TMOD1: variants seen among roughly 807,000 people sequenced by gnomAD.
TMOD1 encodes the protein tropomodulin-1.
Under a neutral mutation model 40.6 loss-of-function variants are expected in TMOD1, and 17 were observed. The observed-to-expected ratio is 0.42, with a 90% CI of 0.29 to 0.63. The LOEUF (loss-of-function observed/expected upper bound fraction) is 0.63. TMOD1 is among the 20% of genes least tolerant of loss of function. The pLI is 0.22. For synonymous variants in TMOD1, 181 were observed against 175.0 expected (o/e 1.03, Z -0.27); for missense variants, 391 against 447.6 (o/e 0.87, Z 1.14).
chr9:97,592,176 G>T (rs1386979210), intron 9 of TMOD1, among the ~76,000 whole-genome samples: 1 of 152,084 alleles, frequency 6.6e-6, no homozygotes, highest in Non-Finnish European at 1.5e-5. Context: ...CACAAGCTCT[G>T]TGTAGTTATT....
At chr9:97,569,138 G>A (rs1160176917) in intron 8 of TMOD1, 101 bp downstream of exon 8, 2 of 1,480,104 alleles carry the variant, frequency 1.4e-6, no homozygotes, top group Non-Finnish European at 1.8e-6. Flanking sequence ...GCTGATGATA[G>A]AAGCTCAGAG....
At chr9:97,570,814 A>C (rs556851622) in intron 8 of TMOD1, among the ~76,000 whole-genome samples, 1 of 152,362 alleles carries the variant, frequency 6.6e-6, no homozygotes, top group South Asian at 2.1e-4. Flanking sequence ...AATTCAACCC[A>C]GAATCCACTC....
At position 97,593,063 on chromosome 9, in the gene TMOD1, G is replaced by A. The variant is rs78848406; in HGVS notation, c.1015+1628G>A. Reference sequence around the variant, plus strand: ...TGTGATCTGGCTGCAGTACCAGCACGGAGAAGCCTTGCGTTTCTATTCTAT... The same window carrying A: ...TGTGATCTGGCTGCAGTACCAGCACAGAGAAGCCTTGCGTTTCTATTCTAT... On this transcript the variant is annotated intron_variant, in intron 9 of 9. Coordinates refer to ENST00000259365, the MANE Select transcript of TMOD1 (RefSeq NM_003275.4). Among the ~76,000 whole-genome samples the A allele has an allele frequency of 6.9e-3, 1,052 of 152,316 alleles. 14 individuals carry two copies. Among genetic ancestry groups the A allele is most frequent in the African/African-American group, 0.023 (966 of 41,562 alleles).
intron 8 of TMOD1, among the ~76,000 whole-genome samples, chr9:97,585,712 T>G (rs1273727955): frequency 8.0e-6 from 1 of 124,248 alleles, no homozygotes; most frequent in Non-Finnish European, 1.7e-5. Context: ...TTCTTTTTAT[T>G]CTTTTTTCTC....
chr9:97,581,353 C>T (rs1211310532), intron 8 of TMOD1, among the ~76,000 whole-genome samples: 1 of 151,372 alleles, frequency 6.6e-6, no homozygotes, highest in East Asian at 1.9e-4. Flanking sequence ...CATAGTATTC[C>T]ATGGTGTATA....
rs531053134 is a variant in TMOD1 at position 97,588,194 on chromosome 9, A to G, written c.871-3097A>G. ...ACAAACTGTCTTTCAAAGGAGCTGC[A>G]CCATTTTATATTCCCACCAGCAATG... On this transcript the variant is annotated intron_variant, in intron 8 of 9. Coordinates refer to ENST00000259365, the MANE Select transcript of TMOD1 (RefSeq NM_003275.4). 1.8e-3 allele frequency among the ~76,000 whole-genome samples: 267 copies of G among 152,350 alleles called. 1 individual carries two copies. Among genetic ancestry groups the G allele is most frequent in the Admixed American group, 6.1e-3 (93 of 15,294 alleles).
At chr9:97,558,186 T>C (rs748704838) in intron 4 of TMOD1, among the ~76,000 whole-genome samples, 1 of 152,224 alleles carries the variant, frequency 6.6e-6, no homozygotes, top group Non-Finnish European at 1.5e-5. Context: ...TGCAAAATGG[T>C]TTTATTTCTT....
chr9:97,544,094 A>T (rs982818886), intron 2 of TMOD1, among the ~76,000 whole-genome samples: 3 of 152,154 alleles, frequency 2.0e-5, no homozygotes, highest in African/African-American at 7.2e-5. Flanking sequence ...CAAGCCCATT[A>T]TCTGTCTGTC....
At chr9:97,569,373 T>C (rs1830785026) in intron 8 of TMOD1, among the ~76,000 whole-genome samples, 1 of 152,230 alleles carries the variant, frequency 6.6e-6, no homozygotes, top group South Asian at 2.1e-4. Context: ...TTTGTTGGGC[T>C]TAGCTCTGTT....
At chr9:97,535,309 C>T (rs926353390) in intron 2 of TMOD1, among the ~76,000 whole-genome samples, 1 of 152,124 alleles carries the variant, frequency 6.6e-6, no homozygotes. Context: ...GTGATGCCCA[C>T]AGAAGGAGAC....
chr9:97,528,069 T>C (rs544428497), intron 2 of TMOD1, among the ~76,000 whole-genome samples: 2 of 152,030 alleles, frequency 1.3e-5, no homozygotes, highest in South Asian at 4.2e-4. Flanking sequence ...GGCAAAGAGC[T>C]CCCGCAGGTC....
intron 4 of TMOD1, among the ~76,000 whole-genome samples, chr9:97,560,997 T>C (rs1446311982): frequency 6.6e-6 from 1 of 152,186 alleles, no homozygotes; most frequent in African/African-American, 2.4e-5. Context: ...GCAGAGAAGC[T>C]GTTGGGAGGG....
chr9:97,559,794 A>AATATATAT (rs1193457397), intron 4 of TMOD1, among the ~76,000 whole-genome samples: 306 of 23,062 alleles, frequency 0.013, 6 homozygotes, highest in South Asian at 0.022. Context: ...AAAAAAAAAA[A>AATATATAT]ATATATATAT....
chr9:97,545,394 C>T (rs1259460265), intron 2 of TMOD1, among the ~76,000 whole-genome samples: 1 of 152,202 alleles, frequency 6.6e-6, no homozygotes, highest in African/African-American at 2.4e-5. Context: ...CCAATCCCCC[C>T]AATAGGAATC....
chr9:97,578,426 G>T (rs1290332864), intron 8 of TMOD1, among the ~76,000 whole-genome samples: 1 of 152,210 alleles, frequency 6.6e-6, no homozygotes, highest in Non-Finnish European at 1.5e-5. Flanking sequence ...AATGTAAAAA[G>T]AATGGGTTTG....
At chr9:97,564,269 G>C (rs1830692664) in intron 6 of TMOD1, 101 bp downstream of exon 6, 1 of 1,444,240 alleles carries the variant, frequency 6.9e-7, no homozygotes, top group Non-Finnish European at 9.3e-7. Flanking sequence ...AGAGTAAACA[G>C]GGTCCTGTTT....
At chr9:97,533,434 G>A (rs1475967215) in intron 2 of TMOD1, among the ~76,000 whole-genome samples, 1 of 152,226 alleles carries the variant, frequency 6.6e-6, no homozygotes, top group African/African-American at 2.4e-5. Flanking sequence ...GTGCAGCCAG[G>A]TATAGTTGTG....
At chr9:97,555,414 C>G in intron 4 of TMOD1, 4 of 1,374,790 alleles carry the variant, frequency 2.9e-6, no homozygotes, top group Non-Finnish European at 3.8e-6. Context: ...TATCAAATGA[C>G]TGCCGGCGCC....
chr9:97,546,563 A>T (rs1830363051), intron 3 of TMOD1, among the ~76,000 whole-genome samples: 1 of 152,054 alleles, frequency 6.6e-6, no homozygotes, highest in Admixed American at 6.5e-5. Flanking sequence ...ACTCCTATCC[A>T]CTCAAATCAG....
Sources: allele counts gnomAD v4.1 joint callset (sites outside exome capture counted in the v4.1 genomes callset), GRCh38; gene constraint gnomAD v4.1.1; transcripts MANE v1.5; gene names NCBI Gene and HGNC (gene_info 2026-07-23, HGNC 2026-07-21).